Variants in CSMD1 observed in about 807,000 individuals in gnomAD.
The protein encoded by CSMD1 is CUB and sushi domain-containing protein 1.
CSMD1 carries 213 observed loss-of-function variants against 417.5 expected under a neutral mutation model. That is an observed-to-expected ratio of 0.51 (90% CI 0.46 to 0.57). The LOEUF (loss-of-function observed/expected upper bound fraction) is 0.57, where lower values mean the gene tolerates loss of function less well. Ranked by LOEUF, CSMD1 falls within the 20% of genes least tolerant of loss-of-function variation. CSMD1 has a pLI of 0.00. For synonymous variants in CSMD1, 2,862 were observed against 1,736.8 expected, an observed-to-expected ratio of 1.65 and a Z score of -16.11; for missense variants, 6,923 against 4,529.7, an observed-to-expected ratio of 1.53 and a Z score of -15.17.
intron 7 of CSMD1, among the ~76,000 whole-genome samples, chr8:3,624,878 A>C (rs1016315123): frequency 3.3e-5 from 5 of 152,144 alleles, no homozygotes. Flanking sequence ...CTCCTCTTTG[A>C]TTTGCAGGAG....
At chr8:3,755,328 G>A (rs1797596654) in intron 5 of CSMD1, among the ~76,000 whole-genome samples, 1 of 152,166 alleles carries the variant, frequency 6.6e-6, no homozygotes, top group South Asian at 2.1e-4. Flanking sequence ...TGTATCAAGG[G>A]TCGAAAGATG....
chr8:4,045,882 T>A (rs1044738009), intron 3 of CSMD1, among the ~76,000 whole-genome samples: 2 of 152,136 alleles, frequency 1.3e-5, no homozygotes, highest in African/African-American at 4.8e-5. Context: ...TAATTAGAGT[T>A]TTTATGTCTA....
At chr8:3,169,317 C>A (rs989619717) in intron 37 of CSMD1, among the ~76,000 whole-genome samples, 1 of 151,762 alleles carries the variant, frequency 6.6e-6, no homozygotes, top group Admixed American at 6.6e-5. Context: ...TCACAGGTAA[C>A]AAAAGCAAAA....
At chr8:4,297,705 G>C (rs576758061) in intron 3 of CSMD1, among the ~76,000 whole-genome samples, 9 of 152,260 alleles carry the variant, frequency 5.9e-5, no homozygotes, top group African/African-American at 9.6e-5. Flanking sequence ...GGAGCCATCG[G>C]TGATCGCCTC....
intron 12 of CSMD1, among the ~76,000 whole-genome samples, chr8:3,454,584 C>A (rs564587936): frequency 6.6e-6 from 1 of 152,236 alleles, no homozygotes; most frequent in East Asian, 1.9e-4. Context: ...CTTAGTTTGG[C>A]TGGATATGAA....
intron 5 of CSMD1, among the ~76,000 whole-genome samples, chr8:3,946,225 C>T (rs1038160417): frequency 6.6e-6 from 1 of 152,122 alleles, no homozygotes; most frequent in African/African-American, 2.4e-5. Context: ...ACTTGATCTT[C>T]CAAGTTGTAT....
chr8:4,647,905 G>A (rs144760497), intron 1 of CSMD1, among the ~76,000 whole-genome samples: 11 of 152,268 alleles, frequency 7.2e-5, no homozygotes, highest in South Asian at 2.1e-4. Flanking sequence ...ATAGTAGAAC[G>A]ATTTATATTC....
intron 12 of CSMD1, among the ~76,000 whole-genome samples, chr8:3,466,103 G>A (rs942666467): frequency 1.7e-4 from 26 of 151,994 alleles, no homozygotes; most frequent in Admixed American, 1.1e-3. Context: ...ACAGAAATAA[G>A]AGCTCGCATT....
At chr8:4,632,369 C>G (rs988503585) in intron 2 of CSMD1, among the ~76,000 whole-genome samples, 1 of 147,030 alleles carries the variant, frequency 6.8e-6, no homozygotes, top group African/African-American at 2.6e-5. Context: ...AAAAATTAGC[C>G]AGGTGTGGTG....
intron 3 of CSMD1, among the ~76,000 whole-genome samples, chr8:4,085,523 T>C (rs1800372417): frequency 1.3e-5 from 2 of 152,174 alleles, no homozygotes; most frequent in Admixed American, 6.5e-5. Flanking sequence ...AATTTTATCC[T>C]ATCCGTTCTT....
intron 12 of CSMD1, among the ~76,000 whole-genome samples, chr8:3,417,082 G>A (rs796527468): frequency 1.3e-5 from 2 of 152,172 alleles, no homozygotes; most frequent in Non-Finnish European, 2.9e-5. Flanking sequence ...GGTTGTGCTT[G>A]CATTACCAAA....
intron 2 of CSMD1, among the ~76,000 whole-genome samples, chr8:4,433,564 C>G (rs1797989053): frequency 6.6e-6 from 1 of 152,148 alleles, no homozygotes; most frequent in Non-Finnish European, 1.5e-5. Flanking sequence ...CAGACATGTG[C>G]TGCAACAGAG....
intron 1 of CSMD1, among the ~76,000 whole-genome samples, chr8:4,801,419 G>C (rs573030870): frequency 2.0e-5 from 3 of 151,962 alleles, no homozygotes; most frequent in Admixed American, 1.3e-4. Flanking sequence ...GTTCTATTTC[G>C]GCCAGTCAGC....
At position 3,131,471 on chromosome 8, in the gene CSMD1, A is replaced by T. The variant is rs1026787500; in HGVS notation, c.6241+10994T>A. Reference sequence around the variant, plus strand: ...AAAGTCACAGGTTATGCTAATACTAATTTTTTTTTTTTTTTTTTGACATGG... The same window carrying T: ...AAAGTCACAGGTTATGCTAATACTATTTTTTTTTTTTTTTTTTTGACATGG... On this transcript the variant is annotated intron_variant, in intron 41 of 69. Transcript: ENST00000635120. Among the ~76,000 whole-genome samples, 6 of 142,238 alleles carry T rather than the reference A, an allele frequency of 4.2e-5. No homozygotes were observed. The East Asian group carries it at 8.1e-4, about 19-fold the overall frequency. 93.3% of individuals were successfully genotyped at this position (142,238 alleles called of 152,430 possible). A position where few individuals can be genotyped will look rare whatever the true frequency, so the allele number is the denominator to read the frequency against.
intron 40 of CSMD1, among the ~76,000 whole-genome samples, chr8:3,147,464 T>C (rs1818912438): frequency 6.6e-6 from 1 of 152,206 alleles, no homozygotes; most frequent in Admixed American, 6.5e-5. Flanking sequence ...GGAGTCTGAC[T>C]CCAGCATCCA....
chr8:3,388,945 A>T (rs1001931538), intron 17 of CSMD1, among the ~76,000 whole-genome samples: 9 of 148,870 alleles, frequency 6.0e-5, no homozygotes, highest in African/African-American at 1.5e-4. Context: ...ACACACATTC[A>T]CTTTCAGAGG....
chr8:4,176,582 G>C (rs1024070734), intron 3 of CSMD1, among the ~76,000 whole-genome samples: 51 of 149,764 alleles, frequency 3.4e-4, no homozygotes, highest in African/African-American at 1.2e-3. Context: ...GTACCCTCTA[G>C]TAGAAGGGAC....
intron 4 of CSMD1, among the ~76,000 whole-genome samples, chr8:4,028,817 A>T (rs1797197158): frequency 6.6e-6 from 1 of 152,232 alleles, no homozygotes; most frequent in South Asian, 2.1e-4. Context: ...TCTCATTAAG[A>T]CCTCAATAAA....
intron 1 of CSMD1, among the ~76,000 whole-genome samples, chr8:4,912,570 G>A (rs982815344): frequency 6.6e-6 from 1 of 152,172 alleles, no homozygotes; most frequent in Admixed American, 6.5e-5. Flanking sequence ...GGGGTAGTCT[G>A]AAATGAACAC....
Sources: gnomAD v4.1 joint callset for allele counts (sites outside exome capture counted in the v4.1 genomes callset) on GRCh38, gnomAD v4.1.1 for gene constraint, MANE v1.5 for transcripts, NCBI Gene and HGNC (gene_info 2026-07-23, HGNC 2026-07-21) for gene names.